SLC25A21: variants seen among roughly 807,000 people sequenced by gnomAD.
The protein encoded by SLC25A21 is mitochondrial 2-oxodicarboxylate carrier.
A neutral mutation model predicts 43.8 loss-of-function variants in SLC25A21; 47 were observed. The observed-to-expected ratio is 1.07, with a 90% CI of 0.85 to 1.37. SLC25A21 has a LOEUF of 1.37. Ranked by LOEUF, SLC25A21 falls within the 40% of genes most tolerant of loss-of-function variation. The probability of loss-of-function intolerance (pLI) is 0.00; values close to 1 mark genes in which losing one functional copy is unlikely to be tolerated. For synonymous variants in SLC25A21, 131 were observed against 121.3 expected, an observed-to-expected ratio of 1.08 and a Z score of -0.52; for missense variants, 352 against 350.2, an observed-to-expected ratio of 1.00 and a Z score of -0.04.
chr14:37,157,154 T>C (rs569807438), intron 1 of SLC25A21, among the ~76,000 whole-genome samples: 2 of 152,074 alleles, frequency 1.3e-5, no homozygotes, highest in Admixed American at 1.3e-4. Flanking sequence ...GCCAGGAGTT[T>C]GAGACCAGCC....
chr14:37,020,426 C>G (rs967158364), intron 1 of SLC25A21, among the ~76,000 whole-genome samples: 1 of 149,658 alleles, frequency 6.7e-6, no homozygotes, highest in Non-Finnish European at 1.5e-5. Context: ...AAAAAAAACA[C>G]AGTAAATATG....
chr14:36,988,704 G>A (rs146905548), intron 1 of SLC25A21, among the ~76,000 whole-genome samples: 6 of 152,244 alleles, frequency 3.9e-5, no homozygotes, highest in East Asian at 3.9e-4. Context: ...GATGGAGCCC[G>A]GGTATCTGTA....
At chr14:36,948,048 C>T (rs1892716981) in intron 1 of SLC25A21, among the ~76,000 whole-genome samples, 1 of 152,124 alleles carries the variant, frequency 6.6e-6, no homozygotes, top group Admixed American at 6.6e-5. Context: ...AAATATATGG[C>T]ATTATAAGGG....
chr14:36,825,888 C>T (rs1368620924), intron 2 of SLC25A21, among the ~76,000 whole-genome samples: 2 of 152,216 alleles, frequency 1.3e-5, no homozygotes, highest in South Asian at 2.1e-4. Context: ...AAACTCCCCT[C>T]ATTCTCATGC....
At chr14:36,866,384 G>GA (rs1352087010) in intron 2 of SLC25A21, among the ~76,000 whole-genome samples, 3 of 152,150 alleles carry the variant, frequency 2.0e-5, no homozygotes, top group African/African-American at 7.2e-5. Context: ...GATTCAGGGC[G>GA]AAACAGAACA....
chr14:36,826,103 G>C (rs1331442190), intron 2 of SLC25A21, among the ~76,000 whole-genome samples: 1 of 152,168 alleles, frequency 6.6e-6, no homozygotes, highest in Non-Finnish European at 1.5e-5. Flanking sequence ...GCTTTACTAA[G>C]ACACCAACTC....
At chr14:37,104,044 C>G (rs1209731145) in intron 1 of SLC25A21, among the ~76,000 whole-genome samples, 1 of 152,180 alleles carries the variant, frequency 6.6e-6, no homozygotes, top group Admixed American at 6.5e-5. Flanking sequence ...GGGAGGCCAT[C>G]ATATAAGGTA....
intron 7 of SLC25A21, among the ~76,000 whole-genome samples, chr14:36,689,787 T>C (rs1218698995): frequency 6.6e-6 from 1 of 152,200 alleles, no homozygotes; most frequent in Non-Finnish European, 1.5e-5. Flanking sequence ...CAGCAATCTA[T>C]TTGAACAAGT....
chr14:36,761,118 C>T (rs1031032572), intron 3 of SLC25A21, among the ~76,000 whole-genome samples: 44 of 152,310 alleles, frequency 2.9e-4, no homozygotes, highest in African/African-American at 9.1e-4. Context: ...AGGAGCTCAG[C>T]TCCTGCCCAT....
At chr14:37,033,108 C>G (rs1336642322) in intron 1 of SLC25A21, among the ~76,000 whole-genome samples, 2 of 152,102 alleles carry the variant, frequency 1.3e-5, no homozygotes, top group East Asian at 3.8e-4. Context: ...ACACTCTATA[C>G]CCACTAAACA....
chr14:36,785,565 A>G (rs1292851024), intron 3 of SLC25A21, among the ~76,000 whole-genome samples: 2 of 152,232 alleles, frequency 1.3e-5, no homozygotes, highest in Non-Finnish European at 2.9e-5. Flanking sequence ...ACAAATTATT[A>G]TTAGCATGAT....
intron 3 of SLC25A21, among the ~76,000 whole-genome samples, chr14:36,752,961 T>A (rs1358306146): frequency 6.6e-6 from 1 of 152,154 alleles, no homozygotes; most frequent in East Asian, 1.9e-4. Flanking sequence ...AACCCAGTCT[T>A]GGGTATGTCT....
intron 1 of SLC25A21, among the ~76,000 whole-genome samples, chr14:37,072,135 T>C (rs968621107): frequency 2.7e-5 from 4 of 146,882 alleles, no homozygotes; most frequent in Non-Finnish European, 5.9e-5. Flanking sequence ...TGAGCCAAGA[T>C]TGCGCCACTG....
chr14:36,941,219 C>T (rs1336464850), intron 1 of SLC25A21, among the ~76,000 whole-genome samples: 1 of 152,000 alleles, frequency 6.6e-6, no homozygotes, highest in African/African-American at 2.4e-5. Flanking sequence ...TAATATATCA[C>T]AAAACAGTGG....
At chr14:37,167,833 C>T (rs1293055095) in intron 1 of SLC25A21, among the ~76,000 whole-genome samples, 3 of 151,982 alleles carry the variant, frequency 2.0e-5, no homozygotes, top group Admixed American at 6.6e-5. Flanking sequence ...AAGACAGCTT[C>T]GACTCCCTAT....
At chr14:36,794,392 T>C (rs1476762201) in intron 3 of SLC25A21, among the ~76,000 whole-genome samples, 1 of 152,194 alleles carries the variant, frequency 6.6e-6, no homozygotes, top group Non-Finnish European at 1.5e-5. Context: ...AAATGCTGTT[T>C]CAGACTGAAA....
intron 1 of SLC25A21, among the ~76,000 whole-genome samples, chr14:37,011,784 T>C (rs1050878599): frequency 1.3e-5 from 2 of 152,230 alleles, no homozygotes; most frequent in Non-Finnish European, 2.9e-5. Context: ...TTTCAATTTT[T>C]GCTGAAATTT....
At chr14:37,067,498 G>T (rs1214271105) in intron 1 of SLC25A21, among the ~76,000 whole-genome samples, 1 of 152,054 alleles carries the variant, frequency 6.6e-6, no homozygotes, top group Non-Finnish European at 1.5e-5. Flanking sequence ...CAAATAAAGA[G>T]ATTTTTTTTC....
chr14:37,156,806 G>A (rs780153892), intron 1 of SLC25A21, among the ~76,000 whole-genome samples: 1 of 152,142 alleles, frequency 6.6e-6, no homozygotes, highest in Non-Finnish European at 1.5e-5. Context: ...TCTAAAGAGA[G>A]AGATAGACTC....
Sources: allele counts gnomAD v4.1 joint callset (sites outside exome capture counted in the v4.1 genomes callset), GRCh38; gene constraint gnomAD v4.1.1; transcripts MANE v1.5; gene names NCBI Gene and HGNC (gene_info 2026-07-23, HGNC 2026-07-21).